The following FUT8 variants were observed in gnomAD, a reference collection of about 807,000 sequenced individuals.
FUT8 encodes the protein fucosyltransferase 8.
Under a neutral mutation model 71.3 loss-of-function variants are expected in FUT8, and 29 were observed. That is an observed-to-expected ratio of 0.41 (90% CI 0.30 to 0.55). FUT8 has a LOEUF of 0.55. Ranked by LOEUF, FUT8 falls within the 20% of genes least tolerant of loss-of-function variation. The pLI is 0.34. For synonymous variants in FUT8, 254 were observed against 239.3 expected (o/e 1.06, Z -0.57); for missense variants, 544 against 702.1 (o/e 0.77, Z 2.55).
chr14:65,609,325 T>C (rs1011387792), intron 3 of FUT8, among the ~76,000 whole-genome samples: 1 of 151,496 alleles, frequency 6.6e-6, no homozygotes, highest in Non-Finnish European at 1.5e-5. Context: ...TCCTCTAGTC[T>C]GTGGGTTATC....
At chr14:65,640,403 G>A (rs1247260512) in intron 6 of FUT8, among the ~76,000 whole-genome samples, 1 of 151,966 alleles carries the variant, frequency 6.6e-6, no homozygotes, top group South Asian at 2.1e-4. Context: ...TTTCTCTTAA[G>A]CGTTTAACAT....
chr14:65,430,195 TG>T (rs113316454), intron 1 of FUT8: 2,605 of 148,102 alleles, frequency 0.018, 26 homozygotes, highest in Middle Eastern at 0.028. Flanking sequence ...AATTTTTTTT[TG>T]TTTTTGATAT....
intron 2 of FUT8, chr14:65,471,032 G>T: frequency 2.2e-6 from 1 of 447,698 alleles, no homozygotes; most frequent in Non-Finnish European, 4.5e-6. Context: ...ATCCTTAAAT[G>T]GGGTCTGAGG....
chr14:65,381,362 G>T, the FUT8 span, among the ~76,000 whole-genome samples: 6 of 152,140 alleles, frequency 3.9e-5, no homozygotes, highest in Non-Finnish European at 8.8e-5. Context: ...GGCTTTAAAG[G>T]GCCATTAATT....
intron 7 of FUT8, among the ~76,000 whole-genome samples, chr14:65,703,133 G>T (rs2140488799): frequency 6.6e-6 from 1 of 152,326 alleles, no homozygotes; most frequent in Admixed American, 6.5e-5. Flanking sequence ...AAAGAAAGTT[G>T]TCATGATACT....
At chr14:65,641,202 T>G (rs11158605) in intron 6 of FUT8, among the ~76,000 whole-genome samples, 1 of 151,904 alleles carries the variant, frequency 6.6e-6, no homozygotes, top group African/African-American at 2.4e-5. Context: ...CAGGTTTAAC[T>G]CAGATCTGCT....
At chr14:65,479,350 G>T (rs558730438) in intron 2 of FUT8, among the ~76,000 whole-genome samples, 25 of 152,262 alleles carry the variant, frequency 1.6e-4, no homozygotes, top group Admixed American at 1.2e-3. Flanking sequence ...TTGATTCATA[G>T]AAACAAATCC....
intron 7 of FUT8, among the ~76,000 whole-genome samples, chr14:65,715,470 T>C (rs1192902012): frequency 6.6e-6 from 1 of 152,258 alleles, no homozygotes; most frequent in Non-Finnish European, 1.5e-5. Flanking sequence ...TTATTTCTGC[T>C]CTGATCTTTA....
In FUT8 at chr14:65,549,932, G is replaced by A. The variant is rs141876033; in HGVS notation, c.-227-11405G>A. On this transcript the variant is annotated intron_variant, in intron 2 of 10. Transcript: ENST00000673929. ...AAAAATCAGTTGGGCATGGTGGCGC[G>A]TGCCTGTAGTCCCAGCTACTTGGGA... Among the ~76,000 whole-genome samples, 809 of 152,212 alleles carry A rather than the reference G, an allele frequency of 5.3e-3. 4 individuals carry two copies. Among genetic ancestry groups the A allele is most frequent in the Non-Finnish European group, 7.5e-3 (507 of 67,998 alleles).
At chr14:65,622,860 C>G (rs1372667044) in intron 5 of FUT8, among the ~76,000 whole-genome samples, 1 of 150,998 alleles carries the variant, frequency 6.6e-6, no homozygotes, top group South Asian at 2.1e-4. Context: ...ATTCCTTCAC[C>G]TTCTTGCCTG....
intron 1 of FUT8, among the ~76,000 whole-genome samples, chr14:65,449,392 G>A (rs997564112): frequency 1.3e-5 from 2 of 152,102 alleles, no homozygotes; most frequent in East Asian, 3.8e-4. Flanking sequence ...TTAGTCTCTA[G>A]TTTTTGTTAG....
At chr14:65,460,248 G>C (rs746899242) in intron 2 of FUT8, among the ~76,000 whole-genome samples, 1 of 152,200 alleles carries the variant, frequency 6.6e-6, no homozygotes, top group African/African-American at 2.4e-5. Flanking sequence ...GATAGCTTTT[G>C]TTGGGGGCTA....
chr14:65,618,049 A>G (rs951297328), intron 5 of FUT8, among the ~76,000 whole-genome samples: 3 of 116,042 alleles, frequency 2.6e-5, no homozygotes, highest in African/African-American at 3.2e-5. Flanking sequence ...ATATATATAT[A>G]TATATGTATG....
chr14:65,417,525 T>C (rs533303398), intron 1 of FUT8, among the ~76,000 whole-genome samples: 2 of 152,330 alleles, frequency 1.3e-5, no homozygotes, highest in East Asian at 1.9e-4. Context: ...TATGGAATTA[T>C]GCCGTATTTG....
At chr14:65,439,960 AT>A (rs2065623332) in intron 1 of FUT8, among the ~76,000 whole-genome samples, 1 of 60,858 alleles carries the variant, frequency 1.6e-5, no homozygotes, top group South Asian at 5.6e-4. Context: ...GTGTGTATAT[AT>A]ATATATATAT....
chr14:65,721,891 C>T lies in FUT8; in HGVS notation c.952C>T (p.Arg318Ter), dbSNP rs371242983. The T allele has an allele frequency of 2.5e-6, 4 of 1,614,156 alleles. No homozygotes were observed. The highest frequency in any genetic ancestry group is 3.4e-6 in the Non-Finnish European group (4 of 1,180,014). ...VPEDLADRLV[R>*]VHGDPAVWWV... ...AGAAGACCTCGCAGATCGACTTGTA[C>T]GAGTGCATGGTGACCCTGCAGTGTG... The change falls in exon 8 of 11, where the codon CGA (arginine) becomes TGA (stop). Residue 318 changes from arginine (R) to a stop codon, truncating the protein, a stop_gained. Transcript: ENST00000673929. LOFTEE classifies it high-confidence loss of function.
chr14:65,536,724 T>C (rs554045281), intron 2 of FUT8, among the ~76,000 whole-genome samples: 25 of 152,230 alleles, frequency 1.6e-4, no homozygotes, highest in Non-Finnish European at 2.6e-4. Context: ...CTGATGATTA[T>C]GTATCTTGGG....
chr14:65,561,548 A>T lies in FUT8; in HGVS notation c.-16A>T. The T allele has an allele frequency of 6.2e-7, 1 of 1,612,392 alleles. No individual in the cohort carries two copies. Among genetic ancestry groups the T allele is most frequent in the Non-Finnish European group, 8.5e-7 (1 of 1,178,944 alleles). On this transcript the variant is annotated 5_prime_UTR_variant, in exon 3 of 11. Coordinates refer to ENST00000673929, the MANE Select transcript of FUT8 (RefSeq NM_001371533.1). ...TGAGCTCCAGGACTCCAGGGAAGTGAGTTGAAAATCTGAAAATGCGGCCAT... is the reference window on the plus strand; with the variant it reads ...TGAGCTCCAGGACTCCAGGGAAGTGTGTTGAAAATCTGAAAATGCGGCCAT...
chr14:65,525,955 A>T (rs1189069655), intron 2 of FUT8, among the ~76,000 whole-genome samples: 1 of 152,116 alleles, frequency 6.6e-6, no homozygotes, highest in Non-Finnish European at 1.5e-5. Flanking sequence ...GTTCTTTTAC[A>T]TTTCCTGAGG....
Sources: gnomAD v4.1 joint callset for allele counts (sites outside exome capture counted in the v4.1 genomes callset) on GRCh38, gnomAD v4.1.1 for gene constraint, MANE v1.5 for transcripts, NCBI Gene and HGNC (gene_info 2026-07-23, HGNC 2026-07-21) for gene names.